Variants in GRM1 observed in about 807,000 individuals in gnomAD.
The protein encoded by GRM1 is glutamate metabotropic receptor 1.
A neutral mutation model predicts 90.9 loss-of-function variants in GRM1; 33 were observed. That is an observed-to-expected ratio of 0.36 (90% CI 0.28 to 0.49). The LOEUF is 0.49. Among genes scored for constraint, GRM1 ranks in the 20% least tolerant of loss-of-function variants. The probability of loss-of-function intolerance (pLI) is 0.99; values close to 1 mark genes in which losing one functional copy is unlikely to be tolerated. For missense variants in GRM1, 1,190 were observed against 1,534.3 expected, an observed-to-expected ratio of 0.78 and a Z score of 3.75; for synonymous variants, 700 against 613.2, an observed-to-expected ratio of 1.14 and a Z score of -2.09.
intron 1 of GRM1, among the ~76,000 whole-genome samples, chr6:146,043,796 T>TATATATATATATATATATATATAGATAG (rs1554260527): frequency 1.4e-5 from 2 of 137,942 alleles, no homozygotes; most frequent in African/African-American, 5.2e-5. Context: ...TATATATATA[T>TATATATATATATATATATATATAGATAG]ATATATATAT....
rs1777108973 is a variant in GRM1 at position 146,146,522 on chromosome 6, GT to G, written c.701-12825del. On this transcript the variant is annotated intron_variant, in intron 1 of 7. Transcript: ENST00000282753. ...TGATGGGATTGGAATGAAGGTATTTGTGAAGGACATGAGTTTTGGGGACCGT... is the reference window on the plus strand; with the variant it reads ...TGATGGGATTGGAATGAAGGTATTTGGAAGGACATGAGTTTTGGGGACCGT... Among the ~76,000 whole-genome samples the G allele has an allele frequency of 5.9e-5, 9 of 152,274 alleles. 1 individual carries two copies. In the South Asian group the frequency reaches 1.9e-3, roughly 32 times the overall value.
At chr6:146,362,224 A>C (rs1303682847) in intron 5 of GRM1, among the ~76,000 whole-genome samples, 2 of 152,188 alleles carry the variant, frequency 1.3e-5, no homozygotes, top group Non-Finnish European at 1.5e-5. Context: ...TCATGACAGA[A>C]TTCTGGAGAT....
At chr6:146,379,438 A>C (rs1776236224) in intron 5 of GRM1, among the ~76,000 whole-genome samples, 1 of 151,990 alleles carries the variant, frequency 6.6e-6, no homozygotes, top group African/African-American at 2.4e-5. Context: ...TAATTATTTC[A>C]ATCTCTGTTA....
At chr6:146,327,998 G>A (rs1459911143) in intron 3 of GRM1, among the ~76,000 whole-genome samples, 1 of 152,162 alleles carries the variant, frequency 6.6e-6, no homozygotes, top group East Asian at 1.9e-4. Context: ...CCCACAGATT[G>A]TAGGATAGCT....
chr6:146,412,235 T>C (rs560510315), intron 7 of GRM1, among the ~76,000 whole-genome samples: 1 of 152,328 alleles, frequency 6.6e-6, no homozygotes, highest in African/African-American at 2.4e-5. Flanking sequence ...ATGAACTGTT[T>C]AATATAAGCC....
chr6:146,219,557 G>A (rs928687231), intron 2 of GRM1, among the ~76,000 whole-genome samples: 19 of 152,066 alleles, frequency 1.2e-4, no homozygotes, highest in African/African-American at 4.6e-4. Flanking sequence ...AAAAAAAGGG[G>A]GAGGAAGAGA....
chr6:146,072,100 T>C (rs1195873673), intron 1 of GRM1, among the ~76,000 whole-genome samples: 1 of 152,196 alleles, frequency 6.6e-6, no homozygotes, highest in Non-Finnish European at 1.5e-5. Context: ...TTGATAAACA[T>C]AAAGCATTAT....
intron 5 of GRM1, among the ~76,000 whole-genome samples, chr6:146,374,549 G>T (rs947548598): frequency 1.3e-5 from 2 of 152,008 alleles, no homozygotes. Context: ...CTTGTTACTT[G>T]TTATTGTTCT....
intron 1 of GRM1, among the ~76,000 whole-genome samples, chr6:146,144,263 A>G (rs931328648): frequency 1.2e-4 from 19 of 152,218 alleles, no homozygotes; most frequent in African/African-American, 4.6e-4. Flanking sequence ...TTATTGGATC[A>G]GGGCCCCACC....
chr6:146,427,527 A>C (rs1004720776), intron 7 of GRM1, among the ~76,000 whole-genome samples: 1 of 152,276 alleles, frequency 6.6e-6, no homozygotes, highest in Non-Finnish European at 1.5e-5. Flanking sequence ...AATGTCTGCT[A>C]CTGAACCTGG....
chr6:146,192,055 C>T (rs1343092306), intron 2 of GRM1, among the ~76,000 whole-genome samples: 1 of 152,172 alleles, frequency 6.6e-6, no homozygotes, highest in Non-Finnish European at 1.5e-5. Context: ...TTACTAACCT[C>T]CTCACAATTT....
At chr6:146,384,242 A>G (rs760813039) in intron 5 of GRM1, among the ~76,000 whole-genome samples, 4 of 152,114 alleles carry the variant, frequency 2.6e-5, no homozygotes, top group Non-Finnish European at 5.9e-5. Flanking sequence ...ATACTAGTCT[A>G]CATGTCAGCC....
chr6:146,139,880 C>G (rs576296053), intron 1 of GRM1, among the ~76,000 whole-genome samples: 194 of 101,424 alleles, frequency 1.9e-3, no homozygotes, highest in Non-Finnish European at 2.6e-3. Context: ...TTGTTCCCTT[C>G]CCTTCCCTTC....
intron 2 of GRM1, among the ~76,000 whole-genome samples, chr6:146,239,588 T>A (rs969756384): frequency 1.1e-4 from 17 of 152,084 alleles, no homozygotes; most frequent in African/African-American, 4.1e-4. Context: ...CTGTACACTT[T>A]CTACAAAAAT....
At chr6:146,033,095 T>C (rs1182873343) in intron 1 of GRM1, among the ~76,000 whole-genome samples, 1 of 152,096 alleles carries the variant, frequency 6.6e-6, no homozygotes, top group Non-Finnish European at 1.5e-5. Context: ...TCAGTACACA[T>C]AAAGTTACCT....
chr6:146,198,380 A>C (rs1779192009), intron 2 of GRM1, among the ~76,000 whole-genome samples: 1 of 152,184 alleles, frequency 6.6e-6, no homozygotes, highest in Non-Finnish European at 1.5e-5. Context: ...TAGTGATGGC[A>C]ATCAAGTTTA....
intron 2 of GRM1, among the ~76,000 whole-genome samples, chr6:146,273,858 A>G (rs1478673030): frequency 4.6e-5 from 7 of 152,252 alleles, no homozygotes; most frequent in Admixed American, 4.6e-4. Context: ...TGAGGAGGCT[A>G]TGAACAAATC....
At chr6:146,239,658 A>T (rs150874853) in intron 2 of GRM1, among the ~76,000 whole-genome samples, 3 of 152,206 alleles carry the variant, frequency 2.0e-5, no homozygotes, top group African/African-American at 7.2e-5. Context: ...ATCTACCAAT[A>T]TGAAATTATA....
intron 5 of GRM1, among the ~76,000 whole-genome samples, chr6:146,383,604 A>C (rs1166298897): frequency 1.3e-5 from 2 of 152,136 alleles, no homozygotes; most frequent in Non-Finnish European, 2.9e-5. Context: ...TGAAAGTAAA[A>C]GTAGGAACAG....
Sources: gnomAD v4.1 joint callset for allele counts (sites outside exome capture counted in the v4.1 genomes callset) on GRCh38, gnomAD v4.1.1 for gene constraint, MANE v1.5 for transcripts, NCBI Gene and HGNC (gene_info 2026-07-23, HGNC 2026-07-21) for gene names.